FOXP2: variants seen among roughly 807,000 people sequenced by gnomAD.
FOXP2 encodes forkhead box protein P2.
In FOXP2, 12 loss-of-function variants were observed where a neutral mutation model predicts 115.8. The ratio of observed to expected loss-of-function variants is 0.10; its 90% confidence interval spans 0.07 to 0.17. The LOEUF (loss-of-function observed/expected upper bound fraction) is 0.17, where lower values mean the gene tolerates loss of function less well. Ranked by LOEUF, FOXP2 falls within the 10% of genes least tolerant of loss-of-function variation. The pLI is 1.00. For missense variants in FOXP2, 629 were observed against 843.5 expected (o/e 0.75, Z 3.15); for synonymous variants, 328 against 297.7 (o/e 1.10, Z -1.05).
intron 1 of FOXP2, among the ~76,000 whole-genome samples, chr7:114,135,024 G>A (rs1792001055): frequency 6.6e-6 from 1 of 152,116 alleles, no homozygotes; most frequent in Admixed American, 6.6e-5. Flanking sequence ...TAGATTTTGT[G>A]CATATATCGT....
chr7:114,415,213 G>T lies in FOXP2; in HGVS notation c.-158G>T, dbSNP rs1355944710. On this transcript the variant is annotated 5_prime_UTR_variant, in exon 1 of 17. Transcript: ENST00000350908. ...TGCTGTAAATAGTTGTCTGATGGTG[G>T]CTTTGACAGTGAGCTAGCTTCTGAG... 2 of 454,014 alleles carry T rather than the reference G, an allele frequency of 4.4e-6. No homozygotes were observed. The highest frequency in any genetic ancestry group is 3.1e-5 in the South Asian group (2 of 64,466). The allele number at this position is 454,014 out of a possible 1,614,324, so 28.1% of individuals were successfully genotyped here.
At chr7:114,546,395 G>A (rs567067545) in intron 3 of FOXP2, among the ~76,000 whole-genome samples, 77 of 152,326 alleles carry the variant, frequency 5.1e-4, no homozygotes, top group Middle Eastern at 3.4e-3. Flanking sequence ...TCATACACCT[G>A]ATACATTACA....
chr7:114,396,415 T>G (rs1377473558), intron 2 of FOXP2, among the ~76,000 whole-genome samples: 1 of 152,160 alleles, frequency 6.6e-6, no homozygotes, highest in Non-Finnish European at 1.5e-5. Context: ...CTTTGGTTGA[T>G]TCTATGTCTT....
rs572915783 is a variant in FOXP2 at position 114,319,291 on chromosome 7, TCTC to T, written c.-11+31186_-11+31188del. ...TGGCTCTGGGAGCCTGCCTTTGTGT[TCTC>T]CTCAGCTTCCTGGGGAAGCCCACAG... On this transcript the variant is annotated intron_variant, in intron 2 of 17. Transcript: ENST00000634411. Among the ~76,000 whole-genome samples, 493 of 152,270 alleles carry T rather than the reference TCTC, an allele frequency of 3.2e-3. 3 individuals carry two copies. Among genetic ancestry groups the T allele is most frequent in the Non-Finnish European group, 5.4e-3 (365 of 68,002 alleles).
At chr7:114,297,467 A>G (rs746743995) in intron 2 of FOXP2, 17 of 392,042 alleles carry the variant, frequency 4.3e-5, no homozygotes, top group Non-Finnish European at 7.6e-5. Flanking sequence ...TGGAAGCACT[A>G]TATGCATTTT....
intron 2 of FOXP2, among the ~76,000 whole-genome samples, chr7:114,505,409 G>A (rs1003807873): frequency 6.6e-6 from 1 of 151,188 alleles, no homozygotes; most frequent in African/African-American, 2.4e-5. Context: ...TAAAATGTCA[G>A]GCTTTTCATT....
chr7:114,129,045 G>T (rs1050227500), intron 1 of FOXP2, among the ~76,000 whole-genome samples: 1 of 152,124 alleles, frequency 6.6e-6, no homozygotes, highest in African/African-American at 2.4e-5. Context: ...ACTTGGTTAT[G>T]TTGGTGATAC....
At chr7:114,332,616 T>C (rs948774983) in intron 2 of FOXP2, among the ~76,000 whole-genome samples, 9 of 152,200 alleles carry the variant, frequency 5.9e-5, no homozygotes, top group African/African-American at 2.2e-4. Context: ...ATCTCTTTTT[T>C]ATTTTCCCTC....
chr7:114,537,042 T>C (rs1799428410), intron 3 of FOXP2, among the ~76,000 whole-genome samples: 1 of 151,584 alleles, frequency 6.6e-6, no homozygotes, highest in Non-Finnish European at 1.5e-5. Flanking sequence ...ATGCTTATCC[T>C]TGTATCTTCA....
chr7:114,224,019 G>C (rs974629426), intron 1 of FOXP2, among the ~76,000 whole-genome samples: 1 of 152,018 alleles, frequency 6.6e-6, no homozygotes, highest in Admixed American at 6.6e-5. Flanking sequence ...TTTGTGGATA[G>C]TGTAATCAGA....
chr7:114,102,179 A>T (rs1236333830), intron 1 of FOXP2, among the ~76,000 whole-genome samples: 1 of 151,924 alleles, frequency 6.6e-6, no homozygotes, highest in African/African-American at 2.4e-5. Flanking sequence ...AAGGTTGAAG[A>T]ATGCTTGTAT....
intron 2 of FOXP2, among the ~76,000 whole-genome samples, chr7:114,481,352 G>C (rs937891927): frequency 2.0e-5 from 3 of 151,168 alleles, no homozygotes; most frequent in Non-Finnish European, 4.5e-5. Context: ...AAAGCTCAAA[G>C]TACATTTAAA....
intron 3 of FOXP2, among the ~76,000 whole-genome samples, chr7:114,541,229 C>T (rs1584871843): frequency 6.6e-6 from 1 of 151,946 alleles, no homozygotes; most frequent in African/African-American, 2.4e-5. Flanking sequence ...TAAAGAGAAA[C>T]ATTTGGGGAA....
chr7:114,376,761 C>T (rs1219394957), intron 2 of FOXP2, among the ~76,000 whole-genome samples: 1 of 152,154 alleles, frequency 6.6e-6, no homozygotes, highest in Non-Finnish European at 1.5e-5. Context: ...TAGAGATAAC[C>T]TATTGCCTTT....
At chr7:114,381,184 G>A (rs999289095) in intron 2 of FOXP2, among the ~76,000 whole-genome samples, 5 of 152,332 alleles carry the variant, frequency 3.3e-5, no homozygotes, top group Admixed American at 2.0e-4. Flanking sequence ...GTTTTGGGAT[G>A]AGGATAAGCC....
chr7:114,131,210 T>A (rs1347835465), intron 1 of FOXP2, among the ~76,000 whole-genome samples: 1 of 152,184 alleles, frequency 6.6e-6, no homozygotes, highest in African/African-American at 2.4e-5. Flanking sequence ...AAGGCTGTAT[T>A]AGAATTTTTC....
chr7:114,334,968 A>G (rs1554371400), intron 2 of FOXP2, among the ~76,000 whole-genome samples: 1 of 134,166 alleles, frequency 7.5e-6, no homozygotes, highest in African/African-American at 2.7e-5. Context: ...TAGAAATCCA[A>G]GTATGACTTC....
intron 1 of FOXP2, among the ~76,000 whole-genome samples, chr7:114,281,095 ATTTT>A (rs71157578): frequency 3.8e-4 from 35 of 92,880 alleles, no homozygotes; most frequent in African/African-American, 1.3e-3. Context: ...TGCAATTTGA[ATTTT>A]TTTTTTTTTT....
intron 1 of FOXP2, among the ~76,000 whole-genome samples, chr7:114,191,988 T>G (rs1335220962): frequency 1.3e-5 from 2 of 152,154 alleles, no homozygotes; most frequent in Non-Finnish European, 2.9e-5. Context: ...TTTTCTTGAG[T>G]GTCATATAGT....
Sources: allele counts gnomAD v4.1 joint callset (sites outside exome capture counted in the v4.1 genomes callset), GRCh38; gene constraint gnomAD v4.1.1; transcripts MANE v1.5; gene names NCBI Gene and HGNC (gene_info 2026-07-23, HGNC 2026-07-21).